GTF2H1: variants seen among roughly 807,000 people sequenced by gnomAD.
The protein encoded by GTF2H1 is general transcription factor IIH subunit 1.
Under a neutral mutation model 71.2 loss-of-function variants are expected in GTF2H1, and 16 were observed. The ratio of observed to expected loss-of-function variants is 0.22; its 90% CI spans 0.15 to 0.34. GTF2H1 has a LOEUF of 0.34. Ranked by LOEUF, GTF2H1 falls within the 10% of genes least tolerant of loss-of-function variation. The pLI, the probability that GTF2H1 is intolerant of heterozygous loss-of-function variation, is 1.00. For synonymous variants in GTF2H1, 215 were observed against 219.0 expected, an observed-to-expected ratio of 0.98 and a Z score of 0.16; for missense variants, 498 against 648.2, an observed-to-expected ratio of 0.77 and a Z score of 2.52.
chr11:18,325,416 G>A (rs1864738231), intron 1 of GTF2H1, among the ~76,000 whole-genome samples: 1 of 152,224 alleles, frequency 6.6e-6, no homozygotes, highest in South Asian at 2.1e-4. Context: ...GTCTTAGCAA[G>A]AGATTGTATT....
chr11:18,346,480 G>C (rs1590191825), intron 7 of GTF2H1, among the ~76,000 whole-genome samples: 1 of 152,074 alleles, frequency 6.6e-6, no homozygotes, highest in African/African-American at 2.4e-5. Context: ...CTCCAGCCCA[G>C]CTTCCCACTA....
chr11:18,325,511 A>T (rs952859597), intron 1 of GTF2H1, among the ~76,000 whole-genome samples: 2 of 152,242 alleles, frequency 1.3e-5, no homozygotes, highest in Non-Finnish European at 2.9e-5. Flanking sequence ...TGGGTGCTAT[A>T]TTACAGAGAA....
At chr11:18,346,342 T>G (rs886628599) in intron 7 of GTF2H1, among the ~76,000 whole-genome samples, 2 of 152,322 alleles carry the variant, frequency 1.3e-5, no homozygotes, top group Non-Finnish European at 2.9e-5. Context: ...TCTTTGCCTT[T>G]GTTTAAGCAG....
chr11:18,349,126 C>G (rs959944027), intron 9 of GTF2H1, among the ~76,000 whole-genome samples: 2 of 152,158 alleles, frequency 1.3e-5, no homozygotes, highest in African/African-American at 4.8e-5. Context: ...AACTCCTGGC[C>G]TCATGTGATC....
At chr11:18,346,259 C>G (rs1416595775) in intron 7 of GTF2H1, among the ~76,000 whole-genome samples, 1 of 152,186 alleles carries the variant, frequency 6.6e-6, no homozygotes, top group African/African-American at 2.4e-5. Flanking sequence ...ACTGTGTTGC[C>G]AGGCTGGACT....
intron 11 of GTF2H1, among the ~76,000 whole-genome samples, chr11:18,354,514 C>T (rs1865497703): frequency 6.6e-6 from 1 of 152,182 alleles, no homozygotes; most frequent in Non-Finnish European, 1.5e-5. Flanking sequence ...TCCGTTCAAC[C>T]TCAGACTCCT....
At chr11:18,339,177 G>A (rs564050198) in intron 4 of GTF2H1, among the ~76,000 whole-genome samples, 1 of 152,146 alleles carries the variant, frequency 6.6e-6, no homozygotes, top group Admixed American at 6.5e-5. Context: ...ATGTTTATTA[G>A]TGAAGTGAAT....
chr11:18,358,116 C>A, intron 12 of GTF2H1, 74 bp downstream of exon 12: 1 of 955,262 alleles, frequency 1.0e-6, no homozygotes, highest in Non-Finnish European at 1.7e-6. Flanking sequence ...GAGTGCTGAA[C>A]TTTTATTGGT....
At chr11:18,335,984 G>C (rs775903576) in intron 3 of GTF2H1, 38 bp downstream of exon 3, 1 of 1,509,176 alleles carries the variant, frequency 6.6e-7, no homozygotes, top group Non-Finnish European at 9.1e-7. Flanking sequence ...AGAGATACTG[G>C]GTTCTCTATA....
intron 11 of GTF2H1, among the ~76,000 whole-genome samples, chr11:18,355,966 C>T (rs1865534578): frequency 6.6e-6 from 1 of 152,116 alleles, no homozygotes; most frequent in East Asian, 1.9e-4. Flanking sequence ...CTGACAATAT[C>T]CCCGTCATTC....
chr11:18,337,161 G>T (rs1865047535), intron 3 of GTF2H1, among the ~76,000 whole-genome samples: 1 of 152,152 alleles, frequency 6.6e-6, no homozygotes, highest in Admixed American at 6.5e-5. Flanking sequence ...GGGCATAATG[G>T]CTCATGCCTG....
rs1565009901 is a variant in GTF2H1, at chr11:18,341,507, TTTA to T, written c.758-18_758-16del. 6.8e-6 allele frequency: 11 copies of T among 1,607,820 alleles called. No homozygotes were observed. Among genetic ancestry groups the T allele is most frequent in the Non-Finnish European group, 9.3e-6 (11 of 1,176,896 alleles). On this transcript the variant is annotated intron_variant, in intron 6 of 14. Coordinates refer to ENST00000265963, the MANE Select transcript of GTF2H1 (RefSeq NM_005316.4). ...GAGACAGATAAGACATGCTGAACTT[TTTA>T]TTTTGTTGATTTTCTAGGCCTAAAA... is the stretch of plus-strand genomic sequence containing the variant.
chr11:18,334,672 G>A (rs1864983035), intron 2 of GTF2H1, among the ~76,000 whole-genome samples: 1 of 152,178 alleles, frequency 6.6e-6, no homozygotes, highest in Admixed American at 6.5e-5. Context: ...AATATTTGAA[G>A]GAATGCCCAC....
rs376390337 is a variant in GTF2H1 at position 18,358,062 on chromosome 11, C to T, written c.1351+20C>T. ...TAAACCGTATGTGCCGGGCCATCTT[C>T]TACTACTTTCTGCCTAAATCAGCTT... On this transcript the variant is annotated intron_variant, in intron 12 of 14. Transcript: ENST00000265963. 12 of 1,542,820 alleles carry T rather than the reference C, an allele frequency of 7.8e-6. No individual in the cohort carries two copies. The highest frequency in any genetic ancestry group is 1.4e-5 in the African/African-American group (1 of 73,460).
intron 11 of GTF2H1, among the ~76,000 whole-genome samples, chr11:18,354,315 G>A (rs1392320091): frequency 1.3e-5 from 2 of 152,128 alleles, no homozygotes; most frequent in Non-Finnish European, 2.9e-5. Context: ...TATTTGCCTG[G>A]TTTCTCCACC....
chr11:18,348,553 TAAGA>T (rs1035805417), intron 9 of GTF2H1: 3 of 152,450 alleles, frequency 2.0e-5, no homozygotes, highest in Admixed American at 6.5e-5. Flanking sequence ...ATTTATTTCT[TAAGA>T]AAGATGTATA....
At chr11:18,338,813 A>G (rs1381373233) in intron 4 of GTF2H1, among the ~76,000 whole-genome samples, 1 of 152,086 alleles carries the variant, frequency 6.6e-6, no homozygotes, top group Non-Finnish European at 1.5e-5. Context: ...TTTACCAGTT[A>G]TGTTTTCTTG....
chr11:18,355,908 A>G (rs1050890822), intron 11 of GTF2H1, among the ~76,000 whole-genome samples: 1 of 152,166 alleles, frequency 6.6e-6, no homozygotes, highest in Non-Finnish European at 1.5e-5. Flanking sequence ...ATGCCCCTTT[A>G]CAGTCAAACC....
At chr11:18,362,709 C>A (rs1484910475) in intron 14 of GTF2H1, among the ~76,000 whole-genome samples, 1 of 133,706 alleles carries the variant, frequency 7.5e-6, no homozygotes, top group East Asian at 2.1e-4. Flanking sequence ...CTAGTTCTGT[C>A]GCCCAGGCTG....
Sources: allele counts gnomAD v4.1 joint callset (sites outside exome capture counted in the v4.1 genomes callset), GRCh38; gene constraint gnomAD v4.1.1; transcripts MANE v1.5; gene names NCBI Gene and HGNC (gene_info 2026-07-23, HGNC 2026-07-21).